DTNA: variants seen among roughly 807,000 people sequenced by gnomAD.
DTNA encodes the protein dystrophin-related protein 3.
Under a neutral mutation model 100.7 loss-of-function variants are expected in DTNA, and 43 were observed. The observed-to-expected ratio is 0.43, with a 90% confidence interval of 0.33 to 0.55. The LOEUF (loss-of-function observed/expected upper bound fraction) is 0.55. Ranked by LOEUF, DTNA falls within the 20% of genes least tolerant of loss-of-function variation. DTNA has a pLI of 0.04. For synonymous variants in DTNA, 349 were observed against 347.9 expected, an observed-to-expected ratio of 1.00 and a Z score of -0.04; for missense variants, 798 against 953.9, an observed-to-expected ratio of 0.84 and a Z score of 2.15.
intron 1 of DTNA, among the ~76,000 whole-genome samples, chr18:34,696,344 C>T (rs113771996): frequency 0.028 from 4,256 of 152,012 alleles, 218 homozygotes; most frequent in African/African-American, 0.097. Context: ...TTTGAGAGGC[C>T]GAGGCGGGCG....
chr18:34,833,394 C>T (rs1428739891), intron 11 of DTNA, among the ~76,000 whole-genome samples: 3 of 148,024 alleles, frequency 2.0e-5, no homozygotes, highest in South Asian at 2.1e-4. Flanking sequence ...TTCCAGAACC[C>T]ATTGTGTCAC....
chr18:34,510,529 T>C (rs1417983115), intron 1 of DTNA, among the ~76,000 whole-genome samples: 1 of 151,952 alleles, frequency 6.6e-6, no homozygotes, highest in East Asian at 1.9e-4. Context: ...CAGTATTTTA[T>C]AATCAGTGGC....
rs145596722 is a variant in DTNA at position 34,574,211 on chromosome 18, C to T, written c.-2+80697C>T. On this transcript the variant is annotated intron_variant, in intron 1 of 19. Coordinates refer to the DTNA transcript ENST00000283365. ...TCATCAACTTTGGCCAACATATTCC[C>T]GTTGTGTGTCAGCAGGGAAGGGAAC... 7.3e-4 allele frequency: 112 copies of T among 152,942 alleles called. 1 individual carries two copies. The highest frequency in any genetic ancestry group is 5.7e-4 in the Non-Finnish European group (39 of 68,380). The allele number at this position is 152,942 out of a possible 1,614,324, so 9.5% of individuals were successfully genotyped here. A position where few individuals can be genotyped will look rare whatever the true frequency, so the allele number is the denominator to read the frequency against.
At chr18:34,842,123 G>T (rs2096279537) in intron 13 of DTNA, among the ~76,000 whole-genome samples, 1 of 152,058 alleles carries the variant, frequency 6.6e-6, no homozygotes, top group Non-Finnish European at 1.5e-5. Flanking sequence ...AAATTCCTGG[G>T]CTTGCTAGTT....
At chr18:34,672,138 A>C (rs2076843328) in intron 1 of DTNA, among the ~76,000 whole-genome samples, 1 of 152,176 alleles carries the variant, frequency 6.6e-6, no homozygotes, top group Non-Finnish European at 1.5e-5. Flanking sequence ...AAATACGTGA[A>C]TCTTTCTGCC....
chr18:34,590,334 A>G (rs1367182275), intron 1 of DTNA, among the ~76,000 whole-genome samples: 1 of 152,254 alleles, frequency 6.6e-6, no homozygotes. Flanking sequence ...CAAAAATCAC[A>G]ATTATACCCC....
At chr18:34,759,869 C>A (rs189557420) in intron 2 of DTNA, 1 of 152,080 alleles carries the variant, frequency 6.6e-6, no homozygotes, top group Admixed American at 6.6e-5. Flanking sequence ...AGTAGAGACA[C>A]CCTGGGTTTC....
intron 11 of DTNA, among the ~76,000 whole-genome samples, chr18:34,831,626 G>A (rs913305681): frequency 6.6e-6 from 1 of 152,172 alleles, no homozygotes; most frequent in African/African-American, 2.4e-5. Context: ...AAGTTGGCCA[G>A]GCACAGTGGC....
intron 1 of DTNA, among the ~76,000 whole-genome samples, chr18:34,517,550 T>G (rs2041766705): frequency 6.6e-6 from 1 of 151,612 alleles, no homozygotes; most frequent in Non-Finnish European, 1.5e-5. Flanking sequence ...AAAATCAAGA[T>G]AGAGAACAGT....
chr18:34,503,810 T>C (rs1008230554), intron 1 of DTNA, among the ~76,000 whole-genome samples: 1 of 151,800 alleles, frequency 6.6e-6, no homozygotes, highest in South Asian at 2.1e-4. Context: ...TGTTTTTAAG[T>C]GTATCACTGT....
intron 1 of DTNA, among the ~76,000 whole-genome samples, chr18:34,728,018 T>C (rs532854429): frequency 6.6e-6 from 1 of 152,274 alleles, no homozygotes; most frequent in African/African-American, 2.4e-5. Context: ...CCATGGGTAA[T>C]AGATTAATTT....
intron 2 of DTNA, 80 bp from the exon 3 acceptor site, chr18:34,765,881 A>G (rs2148478006): frequency 1.5e-6 from 2 of 1,355,044 alleles, no homozygotes; most frequent in Non-Finnish European, 2.1e-6. Context: ...GATCATATCT[A>G]CAGTTGTTTT....
rs749194607 is a variant in DTNA, at chr18:34,888,385, A to G, written c.*651A>G. 1.0e-6 allele frequency: 1 copy of G among 985,746 alleles called. No individual in the cohort carries two copies. The highest frequency in any genetic ancestry group is 1.2e-6 in the Non-Finnish European group (1 of 829,940). 61.1% of individuals were successfully genotyped at this position (985,746 alleles called of 1,614,324 possible). On this transcript the variant is annotated 3_prime_UTR_variant, in exon 23 of 23. Coordinates refer to ENST00000444659, the MANE Select transcript of DTNA (RefSeq NM_001386795.1). ...AAGCCAAGAAGGGTCCTTGGCCTGC[A>G]CGGTCTGTAGTTGACTCCAAGTCTC...
intron 13 of DTNA, among the ~76,000 whole-genome samples, chr18:34,840,421 C>T (rs1414184252): frequency 6.6e-6 from 1 of 152,066 alleles, no homozygotes; most frequent in African/African-American, 2.4e-5. Flanking sequence ...AAGAAGAATA[C>T]AGTCAGTGTA....
At chr18:34,622,940 A>G (rs2056767594) in intron 1 of DTNA, among the ~76,000 whole-genome samples, 1 of 152,114 alleles carries the variant, frequency 6.6e-6, no homozygotes, top group South Asian at 2.1e-4. Context: ...ATCCTCTCCC[A>G]TATATCTGTT....
intron 1 of DTNA, among the ~76,000 whole-genome samples, chr18:34,607,055 T>G (rs1338858283): frequency 1.3e-5 from 2 of 152,216 alleles, no homozygotes; most frequent in African/African-American, 4.8e-5. Flanking sequence ...CTCCCATCTG[T>G]ATCCAGTTCT....
intron 1 of DTNA, among the ~76,000 whole-genome samples, chr18:34,665,692 C>A (rs549399054): frequency 1.3e-5 from 2 of 152,030 alleles, no homozygotes; most frequent in African/African-American, 2.4e-5. Flanking sequence ...TTTGTCCTTG[C>A]GATAGTTTGC....
intron 1 of DTNA, among the ~76,000 whole-genome samples, chr18:34,668,896 T>C (rs2076331272): frequency 6.6e-6 from 1 of 152,220 alleles, no homozygotes; most frequent in East Asian, 1.9e-4. Flanking sequence ...GAAGAAGGTA[T>C]ATTCTGTTGA....
intron 1 of DTNA, among the ~76,000 whole-genome samples, chr18:34,715,549 C>G (rs556819385): frequency 1.3e-5 from 2 of 151,964 alleles, no homozygotes; most frequent in African/African-American, 4.8e-5. Context: ...TTTGGTGGAA[C>G]ATTTACTCAG....
Sources: gnomAD v4.1 joint callset for allele counts (sites outside exome capture counted in the v4.1 genomes callset) on GRCh38, gnomAD v4.1.1 for gene constraint, MANE v1.5 for transcripts, NCBI Gene and HGNC (gene_info 2026-07-23, HGNC 2026-07-21) for gene names.